JPH3: variants seen among roughly 807,000 people sequenced by gnomAD.
JPH3 encodes the protein junctophilin-3.
Under a neutral mutation model 59.6 loss-of-function variants are expected in JPH3, and 11 were observed. That is an observed-to-expected ratio of 0.18 (90% CI 0.12 to 0.31). The LOEUF is 0.31. Among genes scored for constraint, JPH3 ranks in the 10% least tolerant of loss-of-function variants. JPH3 has a pLI of 1.00. For synonymous variants in JPH3, 673 were observed against 483.6 expected, an observed-to-expected ratio of 1.39 and a Z score of -5.14; for missense variants, 1,202 against 1,105.7, an observed-to-expected ratio of 1.09 and a Z score of -1.24.
intron 4 of JPH3, chr16:87,695,592 G>A: frequency 2.2e-6 from 1 of 455,928 alleles, no homozygotes; most frequent in Non-Finnish European, 4.4e-6. Flanking sequence ...CAAGACTGGA[G>A]TGGGTGTCCC....
rs143154620 is a variant in JPH3 at position 87,685,364 on chromosome 16, C to T, written c.1285+1098C>T. 5.0e-3 allele frequency among the ~76,000 whole-genome samples: 767 copies of T among 152,366 alleles called. 11 individuals are homozygous for T. The highest frequency in any genetic ancestry group is 4.5e-3 in the Non-Finnish European group (305 of 68,036). On this transcript the variant is annotated intron_variant, in intron 3 of 4. Coordinates refer to ENST00000284262, the MANE Select transcript of JPH3 (RefSeq NM_020655.4). ...CACTCTCCTGGCCCCTCCAGACACA[C>T]GCACCCCAAAGTGTCCAAGTGGGAG...
intron 2 of JPH3, among the ~76,000 whole-genome samples, chr16:87,645,446 G>C (rs1042969237): frequency 6.6e-6 from 1 of 152,236 alleles, no homozygotes; most frequent in African/African-American, 2.4e-5. Context: ...CTGCAGGGCT[G>C]TGGGAGGTGG....
chr16:87,675,632 C>CTCCG (rs2033125284), intron 2 of JPH3, among the ~76,000 whole-genome samples: 1 of 152,212 alleles, frequency 6.6e-6, no homozygotes, highest in Admixed American at 6.5e-5. Context: ...TACTGTTTTG[C>CTCCG]TCCGGGAGTG....
At position 87,602,802 on chromosome 16, in the gene JPH3, G is replaced by A. The variant is rs1282082071; in HGVS notation, c.-345G>A. ...CTCCCCGCGGGGCTGCCGGCGAGGG[G>A]CCCTCTCGCCGCTGAGGTGGAGCCG... On this transcript the variant is annotated 5_prime_UTR_variant, in exon 1 of 5. Coordinates refer to ENST00000284262, the MANE Select transcript of JPH3 (RefSeq NM_020655.4). The A allele has an allele frequency of 4.9e-4, 67 of 137,358 alleles. No homozygotes were observed. The East Asian group carries it at 0.015, about 31-fold the overall frequency. 8.5% of individuals were successfully genotyped at this position (137,358 alleles called of 1,614,324 possible).
chr16:87,603,935 G>A (rs1001159510), intron 1 of JPH3, among the ~76,000 whole-genome samples: 3 of 152,244 alleles, frequency 2.0e-5, no homozygotes, highest in African/African-American at 7.2e-5. Flanking sequence ...GCCGCCCTTC[G>A]ATCAGGCCCC....
Position 87,644,583 on chromosome 16 carries a change from C to T in JPH3, c.708C>T (p.Ser236=), listed in dbSNP as rs745483239. 1.2e-6 allele frequency: 2 copies of T among 1,612,946 alleles called. No homozygotes were observed. The highest frequency in any genetic ancestry group is 1.7e-6 in the Non-Finnish European group (2 of 1,179,850). The change falls in exon 2 of 5, where the codon AGC becomes AGT. Residue 236 remains serine, a synonymous_variant. Transcript: ENST00000284262. ...RKSESKSSLA[S]QRSKQSSFRS... ...CGGAGTCCAAGAGCAGCCTGGCCAG[C>T]CAACGCAGCAAGCAGAGCTCCTTTC...
chr16:87,653,711 T>G (rs1110603), intron 2 of JPH3: 75,177 of 152,042 alleles, frequency 0.49, 19,567 homozygotes, highest in African/African-American at 0.66. Context: ...TCATGCCAGT[T>G]AATGTGATCG....
chr16:87,695,292 G>C (rs1274123888), intron 4 of JPH3: 1 of 456,002 alleles, frequency 2.2e-6, no homozygotes, highest in African/African-American at 2.0e-5. Context: ...CCAGAGGCCA[G>C]ACTTGGGGGC....
intron 2 of JPH3, among the ~76,000 whole-genome samples, chr16:87,646,988 G>A (rs924588758): frequency 2.0e-5 from 3 of 152,198 alleles, no homozygotes; most frequent in Non-Finnish European, 2.9e-5. Flanking sequence ...GGCATGGACA[G>A]GGCTGGGGGC....
chr16:87,615,971 G>C (rs2030941698), intron 1 of JPH3, among the ~76,000 whole-genome samples: 1 of 152,154 alleles, frequency 6.6e-6, no homozygotes, highest in Admixed American at 6.5e-5. Context: ...TGTGGAGAGA[G>C]GGAAGAAGAG....
chr16:87,643,282 A>G (rs1018748339), intron 1 of JPH3, among the ~76,000 whole-genome samples: 10 of 152,186 alleles, frequency 6.6e-5, no homozygotes, highest in East Asian at 3.8e-4. Flanking sequence ...GCGTCTGTCC[A>G]TTTACCAGGT....
chr16:87,632,720 T>C (rs2031603926), intron 1 of JPH3, among the ~76,000 whole-genome samples: 1 of 152,056 alleles, frequency 6.6e-6, no homozygotes, highest in Admixed American at 6.6e-5. Context: ...TGGTGAAACT[T>C]TGTCTCTATT....
chr16:87,678,879 A>C (rs574054325), intron 2 of JPH3, among the ~76,000 whole-genome samples: 1 of 152,228 alleles, frequency 6.6e-6, no homozygotes, highest in Non-Finnish European at 1.5e-5. Flanking sequence ...AGCCGCCAGC[A>C]GCTGGAGAGA....
At chr16:87,678,036 G>A (rs1164570852) in intron 2 of JPH3, among the ~76,000 whole-genome samples, 1 of 151,568 alleles carries the variant, frequency 6.6e-6, no homozygotes, top group African/African-American at 2.4e-5. Context: ...AGGAATGCTT[G>A]AGGCCATGAG....
intron 2 of JPH3, among the ~76,000 whole-genome samples, chr16:87,652,995 G>A (rs1195488269): frequency 2.0e-5 from 3 of 152,214 alleles, no homozygotes; most frequent in African/African-American, 7.2e-5. Flanking sequence ...ATAGCAGGAA[G>A]TGAACTGCAG....
chr16:87,627,827 C>G (rs377202458), intron 1 of JPH3, among the ~76,000 whole-genome samples: 2 of 152,214 alleles, frequency 1.3e-5, no homozygotes, highest in African/African-American at 4.8e-5. Context: ...AGGGGCCAGT[C>G]CTGCCCCGAG....
At chr16:87,661,898 C>A (rs1160880939) in intron 2 of JPH3, among the ~76,000 whole-genome samples, 2 of 152,240 alleles carry the variant, frequency 1.3e-5, no homozygotes, top group South Asian at 4.1e-4. Flanking sequence ...CATTGCCTCA[C>A]ACTCACGTCC....
chr16:87,607,490 C>T (rs1183807099), intron 1 of JPH3, among the ~76,000 whole-genome samples: 5 of 152,246 alleles, frequency 3.3e-5, no homozygotes. Flanking sequence ...GAGACATTTT[C>T]CACCCCGTCC....
intron 2 of JPH3, among the ~76,000 whole-genome samples, chr16:87,667,862 T>C (rs13330384): frequency 0.46 from 70,456 of 151,818 alleles, 16,643 homozygotes; most frequent in East Asian, 0.54. Flanking sequence ...CCCTTTAAAA[T>C]GCAAAACCCG....
Sources: gnomAD v4.1 joint callset for allele counts (sites outside exome capture counted in the v4.1 genomes callset) on GRCh38, gnomAD v4.1.1 for gene constraint, MANE v1.5 for transcripts, NCBI Gene and HGNC (gene_info 2026-07-23, HGNC 2026-07-21) for gene names.